PUM1: variants seen among roughly 807,000 people sequenced by gnomAD.
The protein encoded by PUM1 is pumilio homolog 1.
Under a neutral mutation model 131.8 loss-of-function variants are expected in PUM1, and 13 were observed. The observed-to-expected ratio is 0.10, with a 90% confidence interval of 0.06 to 0.16. The LOEUF (loss-of-function observed/expected upper bound fraction) is 0.16, where lower values mean the gene tolerates loss of function less well. Among genes scored for constraint, PUM1 ranks in the 10% least tolerant of loss-of-function variants. The pLI, the probability that PUM1 is intolerant of heterozygous loss-of-function variation, is 1.00. For synonymous variants in PUM1, 509 were observed against 556.5 expected, an observed-to-expected ratio of 0.91 and a Z score of 1.20; for missense variants, 961 against 1,512.4, an observed-to-expected ratio of 0.64 and a Z score of 6.05.
At chr1:31,007,268 T>C (rs1036658805) in intron 3 of PUM1, among the ~76,000 whole-genome samples, 166 bp from the exon 4 acceptor site, 3 of 152,046 alleles carry the variant, frequency 2.0e-5, no homozygotes, top group Non-Finnish European at 1.5e-5. Flanking sequence ...TGCTATATAT[T>C]TGGTAAAAGT....
rs181056699 is a variant in PUM1, at chr1:31,065,439, T to G, written c.-12+177A>C. Among the ~76,000 whole-genome samples, 44 of 151,216 alleles carry G rather than the reference T, an allele frequency of 2.9e-4. No homozygotes were observed. The East Asian group carries it at 7.6e-3, about 26-fold the overall frequency. ...CCTTTGATAACAATAGGGGCCTTGC[T>G]GCTGACTCCAAAACATGTACGAGGA... On this transcript the variant is annotated intron_variant, in intron 1 of 21. Transcript: ENST00000426105.
intron 10 of PUM1, among the ~76,000 whole-genome samples, chr1:30,969,101 C>T (rs550923491): frequency 2.0e-5 from 3 of 151,886 alleles, no homozygotes; most frequent in South Asian, 2.1e-4. Context: ...GTCAGGAGTT[C>T]GAGACCAGCC....
intron 3 of PUM1, among the ~76,000 whole-genome samples, chr1:31,012,213 TAAAAA>T (rs11372153): frequency 6.8e-6 from 1 of 147,458 alleles, no homozygotes; most frequent in Non-Finnish European, 1.5e-5. Context: ...TTTTTTTCCT[TAAAAA>T]AAAAAAATCA....
At chr1:30,953,524 C>T (rs1233352412) in intron 15 of PUM1, among the ~76,000 whole-genome samples, 190 bp downstream of exon 15, 1 of 152,100 alleles carries the variant, frequency 6.6e-6, no homozygotes. Flanking sequence ...TTAAAGCAGC[C>T]GAAGTGTATG....
rs544700448 is a variant in PUM1 at position 31,065,684 on chromosome 1, C to A, written c.-80G>T. 11 of 1,549,924 alleles carry A rather than the reference C, an allele frequency of 7.1e-6. No homozygotes were observed. The highest frequency in any genetic ancestry group is 2.4e-5 in the East Asian group (1 of 40,854). The stretch of plus-strand genomic sequence containing the variant: ...TCTCTCTCTGGCGCTCTCGCTCCCC[C>A]TTACCTTTCACTCCGACAACATGGC... On this transcript the variant is annotated 5_prime_UTR_variant, in exon 1 of 22. In the 5' UTR this introduces an upstream ATG that the reference lacks. Coordinates refer to ENST00000426105, the MANE Select transcript of PUM1 (RefSeq NM_001020658.2).
intron 1 of PUM1, among the ~76,000 whole-genome samples, chr1:31,060,201 C>T (rs982963263): frequency 3.3e-5 from 5 of 150,794 alleles, no homozygotes; most frequent in African/African-American, 1.2e-4. Context: ...TGGCTCATGC[C>T]TGTAATCCCA....
chr1:31,034,507 G>C (rs1643540971), intron 2 of PUM1, among the ~76,000 whole-genome samples: 1 of 152,090 alleles, frequency 6.6e-6, no homozygotes. Flanking sequence ...AGGTGTGGTG[G>C]CTAATTGACG....
At chr1:30,942,206 T>C in intron 18 of PUM1, 83 bp from the exon 19 acceptor site, 2 of 81,280 alleles carry the variant, frequency 2.5e-5, no homozygotes, top group Non-Finnish European at 5.3e-5. Context: ...TATATATATA[T>C]ATATATATAT....
At chr1:31,006,858 T>C (rs932376316) in intron 4 of PUM1, 136 bp downstream of exon 4, 4 of 636,764 alleles carry the variant, frequency 6.3e-6, no homozygotes, top group Non-Finnish European at 8.3e-6. Context: ...AGCTCCTTAA[T>C]GGCAATTATA....
intron 2 of PUM1, among the ~76,000 whole-genome samples, chr1:31,038,676 C>A (rs534501787): frequency 2.0e-5 from 3 of 151,938 alleles, no homozygotes; most frequent in African/African-American, 7.3e-5. Context: ...CTTTAAAACA[C>A]GCATACAAAT....
chr1:30,985,650 C>CAA (rs372548441), intron 7 of PUM1, among the ~76,000 whole-genome samples: 5,592 of 65,078 alleles, frequency 0.086, 716 homozygotes, highest in African/African-American at 0.25. Flanking sequence ...AACTCCATCT[C>CAA]AAAAAAAAAA....
At chr1:31,017,620 A>AAGTC (rs1404949453) in intron 3 of PUM1, among the ~76,000 whole-genome samples, 1 of 152,030 alleles carries the variant, frequency 6.6e-6, no homozygotes, top group Non-Finnish European at 1.5e-5. Flanking sequence ...GGAAGCCAAA[A>AAGTC]GACTGGACAA....
intron 16 of PUM1, among the ~76,000 whole-genome samples, chr1:30,950,534 T>C (rs181858620): frequency 6.6e-6 from 1 of 152,220 alleles, no homozygotes; most frequent in African/African-American, 2.4e-5. Context: ...AGCAAACACA[T>C]AATTCCTCAA....
At chr1:31,049,134 G>A (rs1019414689) in intron 2 of PUM1, among the ~76,000 whole-genome samples, 2 of 152,142 alleles carry the variant, frequency 1.3e-5, no homozygotes, top group African/African-American at 4.8e-5. Flanking sequence ...GAACCTGGGA[G>A]GAGGAGGTTG....
At chr1:31,007,845 CA>C (rs1214507083) in intron 3 of PUM1, among the ~76,000 whole-genome samples, 1 of 152,170 alleles carries the variant, frequency 6.6e-6, no homozygotes, top group Non-Finnish European at 1.5e-5. Flanking sequence ...CAAAAAAATG[CA>C]AAGTACCCTT....
chr1:30,965,772 A>C (rs1292808173), intron 13 of PUM1, among the ~76,000 whole-genome samples: 1 of 152,202 alleles, frequency 6.6e-6, no homozygotes, highest in Non-Finnish European at 1.5e-5. Flanking sequence ...AAACTGATTA[A>C]GTAAGTAGCC....
intron 21 of PUM1, among the ~76,000 whole-genome samples, chr1:30,934,615 C>T (rs370944059): frequency 6.6e-6 from 1 of 152,162 alleles, no homozygotes; most frequent in Non-Finnish European, 1.5e-5. Flanking sequence ...TGTAAAACGG[C>T]GTATGCAATA....
rs186540111 is a variant in PUM1, at chr1:31,019,500, C to T, written c.432+9296G>A. Among the ~76,000 whole-genome samples, 904 of 152,278 alleles carry T rather than the reference C, an allele frequency of 5.9e-3. 7 individuals are homozygous for T. Among genetic ancestry groups the T allele is most frequent in the Non-Finnish European group, 9.7e-3 (657 of 68,022 alleles). ...CAAAGAATACAACCCTGTCTGTCAA[C>T]GACTTCATCCTAGAAACCAAGCACA... On this transcript the variant is annotated intron_variant, in intron 3 of 21. Transcript: ENST00000426105.
At chr1:31,008,290 C>T (rs932337792) in intron 3 of PUM1, among the ~76,000 whole-genome samples, 1 of 152,026 alleles carries the variant, frequency 6.6e-6, no homozygotes, top group African/African-American at 2.4e-5. Context: ...CTTTAAGTGG[C>T]TCTATAATCT....
Sources: gnomAD v4.1 joint callset for allele counts (sites outside exome capture counted in the v4.1 genomes callset) on GRCh38, gnomAD v4.1.1 for gene constraint, MANE v1.5 for transcripts, NCBI Gene and HGNC (gene_info 2026-07-23, HGNC 2026-07-21) for gene names.